The following TMED3 variants were observed in gnomAD, a reference collection of about 807,000 sequenced individuals.
TMED3 encodes transmembrane p24 trafficking protein 3, also known as transmembrane emp24 domain-containing protein 3.
TMED3 carries 9 observed loss-of-function variants against 15.0 expected under a neutral mutation model. The ratio of observed to expected loss-of-function variants is 0.60; its 90% CI spans 0.36 to 1.04. TMED3 has a LOEUF of 1.04. Among genes scored for constraint, TMED3 ranks in the 50% least tolerant of loss-of-function variants. TMED3 has a pLI of 0.01. For missense variants in TMED3, 267 were observed against 278.9 expected (o/e 0.96, Z 0.30); for synonymous variants, 117 against 121.4 (o/e 0.96, Z 0.24).
chr15:79,320,063 G>GA (rs1444036009), intron 2 of TMED3, among the ~76,000 whole-genome samples: 6 of 152,248 alleles, frequency 3.9e-5, no homozygotes, highest in South Asian at 2.1e-4. Flanking sequence ...GGAAAAGGGA[G>GA]TCCCCCTTTC....
intron 2 of TMED3, among the ~76,000 whole-genome samples, chr15:79,356,499 T>C (rs964161151): frequency 1.3e-5 from 2 of 152,118 alleles, no homozygotes; most frequent in African/African-American, 2.4e-5. Flanking sequence ...ACAGCTCCAG[T>C]AGTGAAAAGA....
At position 79,311,177 on chromosome 15, in the gene TMED3, C is replaced by T. The variant is rs1395035136; in HGVS notation, c.-73C>T. The T allele has an allele frequency of 2.7e-6, 4 of 1,484,686 alleles. No homozygotes were observed. Among genetic ancestry groups the T allele is most frequent in the Non-Finnish European group, 3.6e-6 (4 of 1,114,606 alleles). 92.0% of individuals were successfully genotyped at this position (1,484,686 alleles called of 1,614,324 possible). On this transcript the variant is annotated 5_prime_UTR_variant, in exon 1 of 3. Transcript: ENST00000299705. ...CCCTTACATCCTCCTAGGACCCGGT[C>T]GGTAGTCGTCGCCCCAGCCCGCCGG... is the stretch of plus-strand genomic sequence containing the variant.
At chr15:79,337,440 A>G (rs2058831229) in intron 2 of TMED3, among the ~76,000 whole-genome samples, 1 of 152,218 alleles carries the variant, frequency 6.6e-6, no homozygotes, top group African/African-American at 2.4e-5. Flanking sequence ...ATTTGGGGGA[A>G]AAACAAAAAA....
At chr15:79,401,764 A>G (rs1205764488) in intron 2 of TMED3, among the ~76,000 whole-genome samples, 2 of 152,210 alleles carry the variant, frequency 1.3e-5, no homozygotes, top group African/African-American at 2.4e-5. Context: ...AGGGTGGAAG[A>G]ATCAGAAAAG....
intron 2 of TMED3, among the ~76,000 whole-genome samples, chr15:79,401,869 C>T (rs1354574147): frequency 6.6e-6 from 1 of 152,044 alleles, no homozygotes; most frequent in East Asian, 1.9e-4. Context: ...ATTGAAATCC[C>T]ATCAATAGGT....
At chr15:79,383,274 C>T (rs1275987716) in intron 2 of TMED3, 2 of 526,420 alleles carry the variant, frequency 3.8e-6, no homozygotes, top group African/African-American at 3.8e-5. Flanking sequence ...TGGAAAATGT[C>T]TTAAGGCTGT....
chr15:79,353,383 A>T (rs1419600931), intron 2 of TMED3, among the ~76,000 whole-genome samples: 1 of 124,610 alleles, frequency 8.0e-6, no homozygotes, highest in Non-Finnish European at 1.6e-5. Flanking sequence ...AATATATATA[A>T]AATTTTGTGT....
chr15:79,344,412 C>A (rs1455591244), intron 2 of TMED3, among the ~76,000 whole-genome samples: 3 of 152,160 alleles, frequency 2.0e-5, no homozygotes, highest in Non-Finnish European at 4.4e-5. Flanking sequence ...CTTCCAGATG[C>A]TCTGGGGAAG....
chr15:79,411,395 T>A (rs995344997), intron 2 of TMED3: 1 of 702,354 alleles, frequency 1.4e-6, no homozygotes, highest in Non-Finnish European at 2.6e-6. Flanking sequence ...TTTTGAACAA[T>A]GAAGAGATTC....
At chr15:79,378,775 A>G (rs1197469081) in intron 2 of TMED3, among the ~76,000 whole-genome samples, 3 of 152,180 alleles carry the variant, frequency 2.0e-5, no homozygotes, top group Non-Finnish European at 4.4e-5. Context: ...CCATTGATTA[A>G]TTTTACTTAT....
At chr15:79,358,608 C>T (rs1207734840) in intron 2 of TMED3, among the ~76,000 whole-genome samples, 5 of 152,138 alleles carry the variant, frequency 3.3e-5, no homozygotes, top group African/African-American at 7.2e-5. Flanking sequence ...AGGCCCATCC[C>T]GAAGGAGATC....
At chr15:79,393,001 C>T (rs1314826813) in intron 2 of TMED3, among the ~76,000 whole-genome samples, 1 of 152,206 alleles carries the variant, frequency 6.6e-6, no homozygotes, top group Non-Finnish European at 1.5e-5. Context: ...AGTTTTGAAG[C>T]AATTTTCTCC....
chr15:79,365,660 C>T (rs75164908), intron 2 of TMED3, among the ~76,000 whole-genome samples: 1 of 152,190 alleles, frequency 6.6e-6, no homozygotes, highest in Non-Finnish European at 1.5e-5. Flanking sequence ...CAGCACTTTA[C>T]GTAAGATAAG....
At chr15:79,371,489 T>C (rs562976139) in intron 2 of TMED3, among the ~76,000 whole-genome samples, 3 of 152,268 alleles carry the variant, frequency 2.0e-5, no homozygotes, top group African/African-American at 7.2e-5. Flanking sequence ...AGTTTAATAA[T>C]TGCTCTCTAG....
At chr15:79,413,243 T>G (rs1260977643) in exon 3 of TMED3, 1 of 152,152 alleles carries the variant, frequency 6.6e-6, no homozygotes, top group Non-Finnish European at 1.5e-5. Flanking sequence ...TTAAAAGATT[T>G]TTAAAAAAGA....
intron 2 of TMED3, among the ~76,000 whole-genome samples, chr15:79,396,966 C>T (rs756396580): frequency 2.6e-4 from 39 of 152,284 alleles, no homozygotes; most frequent in East Asian, 5.8e-4. Flanking sequence ...AAATGACACA[C>T]GTGGCTTGCA....
At chr15:79,315,734 C>A (rs2058737754) in intron 2 of TMED3, among the ~76,000 whole-genome samples, 1 of 152,240 alleles carries the variant, frequency 6.6e-6, no homozygotes. Context: ...TTTCCTTCCA[C>A]TTCTCTTACC....
At chr15:79,408,787 G>T (rs1893934686) in intron 2 of TMED3, among the ~76,000 whole-genome samples, 8 of 152,116 alleles carry the variant, frequency 5.3e-5, no homozygotes, top group Admixed American at 4.6e-4. Context: ...CCAGCCTTGT[G>T]CGATTCAAAA....
chr15:79,337,431 T>A (rs952531578), intron 2 of TMED3, among the ~76,000 whole-genome samples: 1 of 152,028 alleles, frequency 6.6e-6, no homozygotes, highest in African/African-American at 2.4e-5. Flanking sequence ...AACATAAGAA[T>A]TTGGGGGAAA....
Sources: allele counts gnomAD v4.1 joint callset (sites outside exome capture counted in the v4.1 genomes callset), GRCh38; gene constraint gnomAD v4.1.1; transcripts MANE v1.5; gene names NCBI Gene and HGNC (gene_info 2026-07-23, HGNC 2026-07-21).